NALF1: variants seen among roughly 807,000 people sequenced by gnomAD.
NALF1 encodes family with sequence similarity 155 member A.
In NALF1, 3 loss-of-function variants were observed where a neutral mutation model predicts 48.4. The ratio of observed to expected loss-of-function variants is 0.06; its 90% CI spans 0.03 to 0.16. The LOEUF is 0.16. Among genes scored for constraint, NALF1 ranks in the 10% least tolerant of loss-of-function variants. The pLI, the probability that NALF1 is intolerant of heterozygous loss-of-function variation, is 1.00. For synonymous variants in NALF1, 262 were observed against 245.7 expected (o/e 1.07, Z -0.62); for missense variants, 526 against 571.5 (o/e 0.92, Z 0.81).
At chr13:107,179,105 C>T (rs9558963) in intron 2 of NALF1, among the ~76,000 whole-genome samples, 36,586 of 152,032 alleles carry the variant, frequency 0.24, 5,082 homozygotes, top group African/African-American at 0.39. Flanking sequence ...GATTTGGAAG[C>T]AACCTAAGCA....
At chr13:107,205,294 T>C (rs573916247) in intron 2 of NALF1, among the ~76,000 whole-genome samples, 1 of 152,210 alleles carries the variant, frequency 6.6e-6, no homozygotes, top group Non-Finnish European at 1.5e-5. Flanking sequence ...ATGTGAGGAC[T>C]GGATTTTTGC....
chr13:107,753,381 G>A (rs1359745751), intron 1 of NALF1, among the ~76,000 whole-genome samples: 2 of 152,038 alleles, frequency 1.3e-5, no homozygotes, highest in Non-Finnish European at 2.9e-5. Context: ...GGGTCTTTCT[G>A]ACTCTAAATC....
At chr13:107,408,431 T>A (rs1883936493) in intron 1 of NALF1, among the ~76,000 whole-genome samples, 2 of 152,142 alleles carry the variant, frequency 1.3e-5, no homozygotes, top group African/African-American at 4.8e-5. Context: ...AATTTTTTTT[T>A]AATTATCCTG....
chr13:107,781,166 T>C (rs537274935), intron 1 of NALF1, among the ~76,000 whole-genome samples: 3 of 152,322 alleles, frequency 2.0e-5, no homozygotes, highest in Non-Finnish European at 4.4e-5. Flanking sequence ...TATTATTATA[T>C]GGTTATCATA....
intron 1 of NALF1, among the ~76,000 whole-genome samples, chr13:107,762,558 T>G (rs530086612): frequency 1.3e-5 from 2 of 152,072 alleles, no homozygotes; most frequent in East Asian, 3.9e-4. Context: ...AAAGACATTG[T>G]GTATGGAGGT....
chr13:107,407,954 C>A (rs1883927586), intron 1 of NALF1, among the ~76,000 whole-genome samples: 1 of 152,062 alleles, frequency 6.6e-6, no homozygotes, highest in Non-Finnish European at 1.5e-5. Flanking sequence ...CTTGCAACAA[C>A]ACGCATGGAA....
chr13:107,617,027 A>G (rs2038731), intron 1 of NALF1, among the ~76,000 whole-genome samples: 150,365 of 152,308 alleles, frequency 0.99, 74,268 homozygotes, highest in Middle Eastern at 1. Context: ...TATATAAAAT[A>G]GTGTTTTTCC....
intron 1 of NALF1, among the ~76,000 whole-genome samples, chr13:107,288,693 G>A (rs1345908368): frequency 6.7e-5 from 10 of 150,048 alleles, no homozygotes; most frequent in African/African-American, 1.5e-4. Context: ...CACCACGCCC[G>A]GCTAATTTTT....
intron 1 of NALF1, among the ~76,000 whole-genome samples, chr13:107,258,189 T>C (rs1880859144): frequency 6.6e-6 from 1 of 152,188 alleles, no homozygotes; most frequent in Non-Finnish European, 1.5e-5. Flanking sequence ...TCCATACATC[T>C]CCATGTATCT....
chr13:107,717,234 C>T (rs1220791449), intron 1 of NALF1, among the ~76,000 whole-genome samples: 1 of 152,212 alleles, frequency 6.6e-6, no homozygotes, highest in Non-Finnish European at 1.5e-5. Flanking sequence ...ACAAACATTT[C>T]AGTATTTGAA....
At chr13:107,255,281 T>C (rs1050767344) in intron 1 of NALF1, among the ~76,000 whole-genome samples, 8 of 152,238 alleles carry the variant, frequency 5.3e-5, no homozygotes, top group Non-Finnish European at 1.2e-4. Context: ...AAGGTTTTTG[T>C]CTTCCTTCAT....
At chr13:107,726,890 C>A (rs950142179) in intron 1 of NALF1, among the ~76,000 whole-genome samples, 1 of 150,210 alleles carries the variant, frequency 6.7e-6, no homozygotes, top group Non-Finnish European at 1.5e-5. Context: ...AGGCATGAGA[C>A]ACCACGCCCG....
At chr13:107,558,802 TGTCGAG>T (rs1877557493) in intron 1 of NALF1, among the ~76,000 whole-genome samples, 1 of 152,244 alleles carries the variant, frequency 6.6e-6, no homozygotes, top group Admixed American at 6.5e-5. Context: ...TCAACATGTC[TGTCGAG>T]GTCCTGGATT....
At chr13:107,596,960 T>C (rs1397179015) in intron 1 of NALF1, among the ~76,000 whole-genome samples, 1 of 152,188 alleles carries the variant, frequency 6.6e-6, no homozygotes, top group African/African-American at 2.4e-5. Flanking sequence ...TTTGAAGTCA[T>C]TTCAAGTCAC....
In NALF1 at chr13:107,659,114, GAC is replaced by G. The variant is rs71121541; in HGVS notation, c.915+206566_915+206567del. 4.7e-3 allele frequency among the ~76,000 whole-genome samples: 684 copies of G among 145,650 alleles called. 4 individuals carry two copies. The highest frequency in any genetic ancestry group is 0.011 in the African/African-American group (433 of 39,700). On this transcript the variant is annotated intron_variant, in intron 1 of 2. Coordinates refer to ENST00000375915, the MANE Select transcript of NALF1 (RefSeq NM_001080396.3). ...GCCAGCACTGACACACTGACACACAGACACACACACACACACACACACACACA... is the reference window on the plus strand; with the variant it reads ...GCCAGCACTGACACACTGACACACAGACACACACACACACACACACACACA...
At chr13:107,759,196 C>G (rs1405420407) in intron 1 of NALF1, among the ~76,000 whole-genome samples, 1 of 151,982 alleles carries the variant, frequency 6.6e-6, no homozygotes, top group Non-Finnish European at 1.5e-5. Flanking sequence ...TCATTTGTGT[C>G]TCTGATTTCT....
At chr13:107,478,212 A>G (rs1885202653) in intron 1 of NALF1, among the ~76,000 whole-genome samples, 1 of 152,148 alleles carries the variant, frequency 6.6e-6, no homozygotes, top group Non-Finnish European at 1.5e-5. Context: ...TTGGCAGTCA[A>G]CACTCATTTT....
At chr13:107,676,857 T>A (rs1314830869) in intron 1 of NALF1, among the ~76,000 whole-genome samples, 1 of 151,996 alleles carries the variant, frequency 6.6e-6, no homozygotes, top group Non-Finnish European at 1.5e-5. Context: ...ATAAATCATC[T>A]CAATAAAGTC....
chr13:107,579,984 A>G lies in NALF1; in HGVS notation c.915+285698T>C, dbSNP rs538401461. On this transcript the variant is annotated intron_variant, in intron 1 of 2. Coordinates refer to ENST00000375915, the MANE Select transcript of NALF1 (RefSeq NM_001080396.3). ...AGGACTATAAATCATGCTGCTATAA[A>G]GACACATGCACACGTATGTTTATTG... is the stretch of plus-strand genomic sequence containing the variant. Among the ~76,000 whole-genome samples, 12 of 152,132 alleles carry G rather than the reference A, an allele frequency of 7.9e-5. No individual in the cohort carries two copies. In the East Asian group the frequency reaches 2.3e-3, roughly 30 times the overall value.
Sources: gnomAD v4.1 joint callset for allele counts (sites outside exome capture counted in the v4.1 genomes callset) on GRCh38, gnomAD v4.1.1 for gene constraint, MANE v1.5 for transcripts, NCBI Gene and HGNC (gene_info 2026-07-23, HGNC 2026-07-21) for gene names.